Variants in CLDN10 observed in about 807,000 individuals in gnomAD.
CLDN10 encodes the protein claudin 10, also known as claudin-10.
Under a neutral mutation model 22.9 loss-of-function variants are expected in CLDN10, and 15 were observed. The ratio of observed to expected loss-of-function variants is 0.65; its 90% CI spans 0.44 to 1.01. The LOEUF (loss-of-function observed/expected upper bound fraction) is 1.01, where lower values mean the gene tolerates loss of function less well. Among genes scored for constraint, CLDN10 ranks in the 50% least tolerant of loss-of-function variants. The pLI, the probability that CLDN10 is intolerant of heterozygous loss-of-function variation, is 0.00. For missense variants in CLDN10, 247 were observed against 287.8 expected (o/e 0.86, Z 1.03); for synonymous variants, 114 against 111.4 (o/e 1.02, Z -0.15).
rs573461253 is a variant in CLDN10 at position 95,448,481 on chromosome 13, G to A, written c.214+14434G>A. Among the ~76,000 whole-genome samples, 4 of 152,274 alleles carry A rather than the reference G, an allele frequency of 2.6e-5. No individual in the cohort carries two copies. The South Asian group carries it at 8.3e-4, about 32-fold the overall frequency. On this transcript the variant is annotated intron_variant, in intron 1 of 4. Transcript: ENST00000376873. ...CATACATGTCACACGCATAGTCATC[G>A]GAGGGAAAGAAAGACTTAGAGACCA...
Position 95,484,671 on chromosome 13 carries a change from C to T in CLDN10, c.214+50624C>T, listed in dbSNP as rs542841370. On this transcript the variant is annotated intron_variant, in intron 1 of 4. Coordinates refer to the CLDN10 transcript ENST00000376873. ...CAGCCTGGCCAACATGGCGAAACCC[C>T]GTCTCTACTAAAAATACAAAAAAAA... 3.4e-3 allele frequency among the ~76,000 whole-genome samples: 458 copies of T among 133,620 alleles called. 1 individual carries two copies. Among genetic ancestry groups the T allele is most frequent in the Middle Eastern group, 0.015 (4 of 260 alleles). 87.7% of individuals were successfully genotyped at this position (133,620 alleles called of 152,430 possible).
intron 1 of CLDN10, among the ~76,000 whole-genome samples, chr13:95,501,509 T>A (rs2042984952): frequency 6.6e-6 from 1 of 152,246 alleles, no homozygotes; most frequent in South Asian, 2.1e-4. Context: ...CTGACCTTTT[T>A]ATCATTATGA....
At chr13:95,491,083 G>A (rs186087975) in intron 1 of CLDN10, among the ~76,000 whole-genome samples, 26 of 152,150 alleles carry the variant, frequency 1.7e-4, no homozygotes, top group South Asian at 6.2e-4. Flanking sequence ...ACCCCTGCTC[G>A]CTTTTGGTGT....
At chr13:95,465,519 G>A (rs572807504) in intron 1 of CLDN10, among the ~76,000 whole-genome samples, 1 of 152,336 alleles carries the variant, frequency 6.6e-6, no homozygotes, top group South Asian at 2.1e-4. Context: ...TTAAGTTTAA[G>A]TCTAGAGTAC....
intron 1 of CLDN10, among the ~76,000 whole-genome samples, chr13:95,532,336 T>C (rs900748428): frequency 3.9e-5 from 6 of 151,942 alleles, no homozygotes; most frequent in Non-Finnish European, 8.8e-5. Context: ...GAGCAAAAAA[T>C]TTGGACAGGC....
chr13:95,508,664 G>A (rs2043063984), intron 1 of CLDN10, among the ~76,000 whole-genome samples: 2 of 152,250 alleles, frequency 1.3e-5, no homozygotes, highest in Admixed American at 6.5e-5. Flanking sequence ...AGAGAGGAGT[G>A]AGGGGAAGAG....
chr13:95,514,159 T>A (rs745668967), intron 1 of CLDN10, among the ~76,000 whole-genome samples: 3 of 152,210 alleles, frequency 2.0e-5, no homozygotes, highest in Non-Finnish European at 4.4e-5. Flanking sequence ...TTCTGGAGGC[T>A]GACGCAGGAG....
In CLDN10 at chr13:95,578,673, C is replaced by T. The variant is rs1025684838; in HGVS notation, c.*659C>T. 21 of 152,212 alleles carry T rather than the reference C, an allele frequency of 1.4e-4. No individual in the cohort carries two copies. Among genetic ancestry groups the T allele is most frequent in the African/African-American group, 4.8e-4 (20 of 41,446 alleles). 9.4% of individuals were successfully genotyped at this position (152,212 alleles called of 1,614,324 possible). A position where few individuals can be genotyped will look rare whatever the true frequency, so the allele number is the denominator to read the frequency against. On this transcript the variant is annotated 3_prime_UTR_variant, in exon 5 of 5. Coordinates refer to ENST00000299339, the MANE Select transcript of CLDN10 (RefSeq NM_006984.5). ...GATTGTTGAAAAAGCAAAGCCACACCATTCTCTTTGATGTATGCAGAGAGT... is the reference window on the plus strand; with the variant it reads ...GATTGTTGAAAAAGCAAAGCCACACTATTCTCTTTGATGTATGCAGAGAGT...
At chr13:95,568,271 GTTAAATA>G (rs1382222400) in intron 3 of CLDN10, among the ~76,000 whole-genome samples, 2 of 152,206 alleles carry the variant, frequency 1.3e-5, no homozygotes, top group Admixed American at 1.3e-4. Flanking sequence ...GAGTTCAACT[GTTAAATA>G]TTAAGAAAGT....
chr13:95,560,813 A>G (rs1264328644), intron 3 of CLDN10: 1 of 207,660 alleles, frequency 4.8e-6, no homozygotes, highest in African/African-American at 2.3e-5. Flanking sequence ...ATAGAAAATT[A>G]AAACCTTGCC....
At chr13:95,545,085 T>A (rs966713673) in intron 1 of CLDN10, among the ~76,000 whole-genome samples, 2 of 152,118 alleles carry the variant, frequency 1.3e-5, no homozygotes, top group Middle Eastern at 3.2e-3. Context: ...GCTCAACTTT[T>A]AAATATTATT....
chr13:95,546,043 T>C (rs563527857), intron 1 of CLDN10, among the ~76,000 whole-genome samples: 2 of 152,234 alleles, frequency 1.3e-5, no homozygotes, highest in African/African-American at 2.4e-5. Flanking sequence ...CAGCATATTA[T>C]TGAACTTCAA....
chr13:95,553,344 G>A (rs1324208261), intron 1 of CLDN10, among the ~76,000 whole-genome samples: 4 of 152,090 alleles, frequency 2.6e-5, no homozygotes, highest in African/African-American at 7.2e-5. Flanking sequence ...CATGCTGCAG[G>A]GGCTTGTCTC....
intron 1 of CLDN10, among the ~76,000 whole-genome samples, chr13:95,505,416 G>C (rs767974189): frequency 2.0e-5 from 3 of 152,346 alleles, no homozygotes; most frequent in Middle Eastern, 3.4e-3. Flanking sequence ...ATGGGGACTT[G>C]AAGTCGTTGG....
chr13:95,513,119 A>G (rs961406819), intron 1 of CLDN10, among the ~76,000 whole-genome samples: 3 of 152,144 alleles, frequency 2.0e-5, no homozygotes, highest in African/African-American at 7.2e-5. Context: ...GGCTTAAGCG[A>G]TCCTCCCACT....
chr13:95,471,454 T>TATATA (rs201753710), intron 1 of CLDN10, among the ~76,000 whole-genome samples: 10 of 81,228 alleles, frequency 1.2e-4, no homozygotes, highest in African/African-American at 4.3e-4. Context: ...TATATATATA[T>TATATA]TTTTTTTTTT....
At chr13:95,503,197 G>A (rs2043003954) in intron 1 of CLDN10, among the ~76,000 whole-genome samples, 1 of 152,104 alleles carries the variant, frequency 6.6e-6, no homozygotes, top group African/African-American at 2.4e-5. Flanking sequence ...GAAGCCAGAG[G>A]TGAATATGTA....
At chr13:95,515,552 T>C (rs915968390) in intron 1 of CLDN10, among the ~76,000 whole-genome samples, 8 of 152,086 alleles carry the variant, frequency 5.3e-5, no homozygotes, top group Non-Finnish European at 8.8e-5. Flanking sequence ...TACAGGTCCT[T>C]CCCCACTGTA....
rs200975742 is a variant in CLDN10, at chr13:95,570,862, A to G, written c.465-6369A>G. On this transcript the variant is annotated intron_variant, in intron 3 of 4. Transcript: ENST00000299339. ...CACACACACACATATACGTGTGTAT[A>G]TATATATATATATATATATATAGAC... Among the ~76,000 whole-genome samples the G allele has an allele frequency of 3.6e-3, 274 of 75,336 alleles. 2 individuals carry two copies. The highest frequency in any genetic ancestry group is 0.015 in the East Asian group (32 of 2,170). 49.4% of individuals were successfully genotyped at this position (75,336 alleles called of 152,430 possible).
Sources: allele counts gnomAD v4.1 joint callset (sites outside exome capture counted in the v4.1 genomes callset), GRCh38; gene constraint gnomAD v4.1.1; transcripts MANE v1.5; gene names NCBI Gene and HGNC (gene_info 2026-07-23, HGNC 2026-07-21).